Variants in GPAM observed in about 807,000 individuals in gnomAD.
GPAM encodes the protein glycerol-3-phosphate acyltransferase, mitochondrial, also known as glycerol-3-phosphate acyltransferase 1, mitochondrial.
A neutral mutation model predicts 105.0 loss-of-function variants in GPAM; 56 were observed. The observed-to-expected ratio is 0.53, with a 90% CI of 0.43 to 0.67. The LOEUF is 0.67. Among genes scored for constraint, GPAM ranks in the 30% least tolerant of loss-of-function variants. GPAM has a pLI of 0.00. For missense variants in GPAM, 855 were observed against 989.8 expected, an observed-to-expected ratio of 0.86 and a Z score of 1.83; for synonymous variants, 368 against 354.4, an observed-to-expected ratio of 1.04 and a Z score of -0.43.
upstream of GPAM, among the ~76,000 whole-genome samples, chr10:112,185,795 A>AC (rs1405830451): frequency 6.6e-6 from 1 of 152,090 alleles, no homozygotes; most frequent in Non-Finnish European, 1.5e-5. Flanking sequence ...AAACAAACAA[A>AC]AAAAAACTTG....
chr10:112,204,842 A>C (rs887823799), intron 1 of GPAM, among the ~76,000 whole-genome samples: 2 of 134,390 alleles, frequency 1.5e-5, no homozygotes, highest in Non-Finnish European at 3.1e-5. Context: ...GAAGGAAATA[A>C]AGGGTATTCA....
intron 5 of GPAM, among the ~76,000 whole-genome samples, 160 bp downstream of exon 5, chr10:112,177,824 G>A (rs1270598192): frequency 6.6e-6 from 1 of 152,058 alleles, no homozygotes; most frequent in African/African-American, 2.4e-5. Flanking sequence ...TCTCTCTGTG[G>A]CTATACTGCT....
intron 6 of GPAM, among the ~76,000 whole-genome samples, chr10:112,175,328 G>A (rs1281752255): frequency 2.0e-5 from 3 of 152,150 alleles, no homozygotes; most frequent in Non-Finnish European, 4.4e-5. Flanking sequence ...GTGCATCTCT[G>A]AACTCTTATT....
chr10:112,166,596 T>C lies in GPAM; in HGVS notation c.1108-81A>G, dbSNP rs1048975500. On this transcript the variant is annotated intron_variant, in intron 11 of 21. Coordinates refer to ENST00000348367, the MANE Select transcript of GPAM (RefSeq NM_001244949.2). ...ACATTCTATTATCCACAGAATAACT[T>C]GTTTTATGGAAACTGTAAGTTCATC... 4.8e-6 allele frequency: 4 copies of C among 836,218 alleles called. No homozygotes were observed. The African/African-American group carries it at 6.7e-5, about 14-fold the overall frequency. 51.8% of individuals were successfully genotyped at this position (836,218 alleles called of 1,614,324 possible).
chr10:112,194,435 C>A (rs941470304), intron 1 of GPAM, among the ~76,000 whole-genome samples: 1 of 152,186 alleles, frequency 6.6e-6, no homozygotes, highest in African/African-American at 2.4e-5. Context: ...TGCATCTCTG[C>A]GGACACTATG....
intron 8 of GPAM, 103 bp from the exon 9 acceptor site, chr10:112,172,421 T>C (rs1286918564): frequency 1.2e-6 from 1 of 820,206 alleles, no homozygotes; most frequent in Admixed American, 1.9e-5. Flanking sequence ...GGCTAATCAG[T>C]GACTCACTCT....
At chr10:112,189,028 G>T (rs1369859634) in intron 1 of GPAM, among the ~76,000 whole-genome samples, 1 of 151,758 alleles carries the variant, frequency 6.6e-6, no homozygotes, top group East Asian at 1.9e-4. Flanking sequence ...GGGTGCATTT[G>T]TTCAAGTAGC....
At chr10:112,155,675 A>G in intron 20 of GPAM, 189 bp downstream of exon 20, 1 of 515,054 alleles carries the variant, frequency 1.9e-6, no homozygotes. Context: ...TACGTGAAAA[A>G]AGCCAGATGT....
chr10:112,212,638 C>A (rs1005198284), intron 1 of GPAM, among the ~76,000 whole-genome samples: 2 of 152,262 alleles, frequency 1.3e-5, no homozygotes, highest in South Asian at 4.1e-4. Context: ...GAGAAAGCCC[C>A]TGGTTGATGA....
rs1036114237 is a variant in GPAM at position 112,151,492 on chromosome 10, A to G, written c.*2058T>C. 8.1e-6 allele frequency: 8 copies of G among 985,690 alleles called. No homozygotes were observed. The highest frequency in any genetic ancestry group is 1.7e-5 in the African/African-American group (1 of 57,220). The allele number at this position is 985,690 out of a possible 1,614,324, so 61.1% of individuals were successfully genotyped here. On this transcript the variant is annotated 3_prime_UTR_variant, in exon 22 of 22. Coordinates refer to ENST00000348367, the MANE Select transcript of GPAM (RefSeq NM_001244949.2). Reference sequence around the variant, plus strand: ...ACAAAAAGCATGCATATTTATCCTCACAGTGAGTTAAGTGGTGAGAGAGCT... The same window carrying G: ...ACAAAAAGCATGCATATTTATCCTCGCAGTGAGTTAAGTGGTGAGAGAGCT...
At chr10:112,191,712 A>G (rs1847660550) in intron 1 of GPAM, among the ~76,000 whole-genome samples, 1 of 152,170 alleles carries the variant, frequency 6.6e-6, no homozygotes, top group Non-Finnish European at 1.5e-5. Flanking sequence ...AAGAAGACAA[A>G]TTCTAAATGG....
At chr10:112,163,586 C>T (rs971520241) in intron 14 of GPAM, 115 bp downstream of exon 14, 4 of 699,350 alleles carry the variant, frequency 5.7e-6, no homozygotes, top group South Asian at 1.5e-5. Context: ...CCTATCACCA[C>T]CTGTGAATTA....
At chr10:112,204,254 C>CTTTTTT (rs59433956) in intron 1 of GPAM, among the ~76,000 whole-genome samples, 2 of 132,516 alleles carry the variant, frequency 1.5e-5, no homozygotes, top group African/African-American at 2.8e-5. Flanking sequence ...TTTCTTTGTT[C>CTTTTTT]TTTTTTTTTT....
intron 6 of GPAM, 107 bp from the exon 7 acceptor site, chr10:112,173,952 T>C (rs1847358640): frequency 1.1e-6 from 1 of 903,398 alleles, no homozygotes; most frequent in Non-Finnish European, 1.8e-6. Context: ...ATGTATGTTC[T>C]CTTTAAAATG....
At position 112,175,637 on chromosome 10, in the gene GPAM, C is replaced by T; in HGVS notation, c.376G>A (p.Ala126Thr). The T allele has an allele frequency of 6.2e-7, 1 of 1,612,090 alleles. No individual in the cohort carries two copies. Among genetic ancestry groups the T allele is most frequent in the Non-Finnish European group, 8.5e-7 (1 of 1,178,162 alleles). The change falls in exon 6 of 22, where the codon GCC (alanine) becomes ACC (threonine). Residue 126 changes from alanine to threonine, a missense_variant. Physicochemically the swap from Ala to Thr is moderately conservative, Grantham distance 58 (BLOSUM62 0). Coordinates refer to ENST00000348367, the MANE Select transcript of GPAM (RefSeq NM_001244949.2). Reference protein sequence around the residue: ...QERDVHKGMFATNVTENVLNS... With the variant: ...QERDVHKGMFTTNVTENVLNS... ...AGCACATTTTCAGTCACATTGGTGG[C>T]AAACATGCCCTTATGCACATCTCGC...
chr10:112,191,603 T>C (rs907346537), intron 1 of GPAM, among the ~76,000 whole-genome samples: 6 of 152,204 alleles, frequency 3.9e-5, no homozygotes, highest in African/African-American at 7.2e-5. Context: ...AATCCTGAGG[T>C]TTCCTAAGAC....
intron 1 of GPAM, among the ~76,000 whole-genome samples, chr10:112,197,491 TA>T (rs1332380286): frequency 3.3e-5 from 5 of 151,980 alleles, no homozygotes; most frequent in East Asian, 1.9e-4. Context: ...ATTTTTTATT[TA>T]TTTTTTTATT....
chr10:112,209,098 G>A (rs142603836), intron 1 of GPAM, among the ~76,000 whole-genome samples: 394 of 152,268 alleles, frequency 2.6e-3, no homozygotes, highest in South Asian at 4.4e-3. Flanking sequence ...TCTATGGTCC[G>A]GTCACATTTT....
intron 1 of GPAM, among the ~76,000 whole-genome samples, chr10:112,200,299 A>G (rs1330016078): frequency 1.3e-5 from 2 of 148,692 alleles, no homozygotes; most frequent in Non-Finnish European, 3.0e-5. Flanking sequence ...TATACTGTTG[A>G]TCGTTTTTGA....
Sources: allele counts gnomAD v4.1 joint callset (sites outside exome capture counted in the v4.1 genomes callset), GRCh38; gene constraint gnomAD v4.1.1; transcripts MANE v1.5; gene names NCBI Gene and HGNC (gene_info 2026-07-23, HGNC 2026-07-21).